Variants in RBM19 observed in about 807,000 individuals in gnomAD.
RBM19 encodes RNA binding motif protein 19.
A neutral mutation model predicts 116.8 loss-of-function variants in RBM19; 94 were observed. The ratio of observed to expected loss-of-function variants is 0.80; its 90% CI spans 0.68 to 0.95. The LOEUF is 0.95. RBM19 is among the 40% of genes least tolerant of loss of function. RBM19 has a pLI of 0.00. For missense variants in RBM19, 1,161 were observed against 1,220.7 expected (o/e 0.95, Z 0.73); for synonymous variants, 475 against 494.1 (o/e 0.96, Z 0.51).
At chr12:113,925,099 C>T (rs915371663) in intron 17 of RBM19, among the ~76,000 whole-genome samples, 8 of 152,216 alleles carry the variant, frequency 5.3e-5, no homozygotes, top group Non-Finnish European at 8.8e-5. Context: ...CCCCCTGCAC[C>T]AAATGCCAGA....
Position 113,937,043 on chromosome 12 carries a change from C to G in RBM19, c.2032G>C (p.Glu678Gln). The change falls in exon 16 of 24, where the codon GAA becomes CAA. Residue 678 changes from glutamate (E) to glutamine (Q), a missense_variant. Physicochemically the swap from Glu to Gln is conservative, Grantham distance 29 (BLOSUM62 2). Transcript: ENST00000261741. ...QKKKLQDTPSEPMEKDPAEPE... is the reference protein window; with the variant it reads ...QKKKLQDTPSQPMEKDPAEPE... ...TCTGCTGGGTCCTTTTCCATGGGTTCTGAAGGTGTGTCTTGGAGCTTTTTC... is the reference window on the plus strand; with the variant it reads ...TCTGCTGGGTCCTTTTCCATGGGTTGTGAAGGTGTGTCTTGGAGCTTTTTC... 6.2e-7 allele frequency: 1 copy of G among 1,614,118 alleles called. No individual in the cohort carries two copies.
chr12:113,828,984 G>A (rs988690365), intron 23 of RBM19, among the ~76,000 whole-genome samples: 3 of 151,648 alleles, frequency 2.0e-5, no homozygotes, highest in Non-Finnish European at 2.9e-5. Context: ...TGATACAGGA[G>A]GCTGTTTTAG....
intron 21 of RBM19, among the ~76,000 whole-genome samples, chr12:113,862,268 C>T (rs1031892926): frequency 2.0e-5 from 3 of 152,136 alleles, no homozygotes; most frequent in Non-Finnish European, 2.9e-5. Context: ...AGAAGAAAAG[C>T]GACTTGCCCA....
intron 21 of RBM19, among the ~76,000 whole-genome samples, chr12:113,882,616 A>C (rs543741196): frequency 5.3e-5 from 8 of 152,250 alleles, no homozygotes; most frequent in Non-Finnish European, 8.8e-5. Flanking sequence ...TGAGAGCTGG[A>C]GGCACGGGGG....
intron 21 of RBM19, among the ~76,000 whole-genome samples, chr12:113,896,652 A>T (rs981640836): frequency 1.3e-5 from 2 of 152,142 alleles, no homozygotes. Context: ...TTTACAAGAG[A>T]ACAGAGGTGA....
At chr12:113,909,279 T>C (rs544959203) in intron 21 of RBM19, among the ~76,000 whole-genome samples, 2 of 152,180 alleles carry the variant, frequency 1.3e-5, no homozygotes, top group East Asian at 3.9e-4. Flanking sequence ...TGCCACACAG[T>C]TCAGCTAATT....
In RBM19 at chr12:113,958,012, C is replaced by A. The variant is rs1490334525; in HGVS notation, c.610G>T (p.Glu204Ter). The A allele has an allele frequency of 6.2e-7, 1 of 1,613,808 alleles. No homozygotes were observed. The highest frequency in any genetic ancestry group is 1.1e-5 in the South Asian group (1 of 91,016). Residue 204 changes from glutamate (E) to a stop codon, truncating the protein, a stop_gained, in exon 6 of 24, where the codon GAG becomes TAG. Transcript: ENST00000261741. LOFTEE classifies it high-confidence loss of function. Reference protein sequence around the residue: ...SLEPKAAVQKELSDMDYLKSK... With the variant: ...SLEPKAAVQK ...TTCAGGTAATCCATGTCCGACAGCT[C>A]CTTCTGCACAGCTGCCTTTGGTTCG...
intron 21 of RBM19, among the ~76,000 whole-genome samples, chr12:113,866,479 C>A (rs1350431641): frequency 2.0e-5 from 3 of 152,156 alleles, no homozygotes; most frequent in Non-Finnish European, 4.4e-5. Context: ...CAGATGGAAC[C>A]CACAGACTCT....
At chr12:113,927,390 T>C in intron 16 of RBM19, 161 bp from the exon 17 acceptor site, 1 of 779,012 alleles carries the variant, frequency 1.3e-6, no homozygotes, top group Non-Finnish European at 2.0e-6. Context: ...CCCCAACTTG[T>C]GCTGAGCTTC....
chr12:113,938,311 T>A (rs1410262072), intron 15 of RBM19, among the ~76,000 whole-genome samples: 1 of 152,078 alleles, frequency 6.6e-6, no homozygotes, highest in East Asian at 1.9e-4. Context: ...TCCTGAGAGC[T>A]TAGTGGCCAC....
intron 23 of RBM19, among the ~76,000 whole-genome samples, chr12:113,838,674 G>C (rs1876176275): frequency 6.6e-6 from 1 of 152,214 alleles, no homozygotes; most frequent in Non-Finnish European, 1.5e-5. Flanking sequence ...CGCCAAGTAA[G>C]GCTTGACCCA....
intron 6 of RBM19, 55 bp downstream of exon 6, chr12:113,957,727 C>G: frequency 6.6e-7 from 1 of 1,519,594 alleles, no homozygotes; most frequent in Non-Finnish European, 8.8e-7. Flanking sequence ...GTGGGGACCA[C>G]GGGCAAGCAG....
intron 21 of RBM19, among the ~76,000 whole-genome samples, chr12:113,869,174 C>T (rs1879046633): frequency 6.6e-6 from 1 of 152,212 alleles, no homozygotes; most frequent in Admixed American, 6.5e-5. Flanking sequence ...CCGACCCCTC[C>T]TAGTGAACAT....
chr12:113,847,229 T>C (rs1877067813), intron 22 of RBM19, among the ~76,000 whole-genome samples: 2 of 151,972 alleles, frequency 1.3e-5, no homozygotes, highest in Admixed American at 6.6e-5. Flanking sequence ...AAAAGGGAGG[T>C]GACTAGAACA....
chr12:113,842,322 C>T (rs1160509217), intron 23 of RBM19, among the ~76,000 whole-genome samples: 6 of 152,346 alleles, frequency 3.9e-5, no homozygotes, highest in South Asian at 2.1e-4. Context: ...GATGGGCCCC[C>T]GTCTCCACTC....
At chr12:113,867,081 C>CTT (rs1437596596) in intron 21 of RBM19, among the ~76,000 whole-genome samples, 1 of 152,228 alleles carries the variant, frequency 6.6e-6, no homozygotes, top group Non-Finnish European at 1.5e-5. Flanking sequence ...GCAACAGGGT[C>CTT]TTTCTGACCT....
At chr12:113,889,268 T>C (rs573023106) in intron 21 of RBM19, among the ~76,000 whole-genome samples, 194 of 152,322 alleles carry the variant, frequency 1.3e-3, no homozygotes, top group African/African-American at 4.5e-3. Flanking sequence ...AAATGTCCCC[T>C]GGCAGGCAAA....
intron 23 of RBM19, among the ~76,000 whole-genome samples, chr12:113,841,417 CTTTTCTTTTTTTT>C (rs1876460777): frequency 7.0e-6 from 1 of 143,066 alleles, no homozygotes; most frequent in Non-Finnish European, 1.5e-5. Flanking sequence ...CTTTCTTTTT[CTTTTCTTTTTTTT>C]TTTTTTTTTT....
At chr12:113,905,039 A>C (rs1010153518) in intron 21 of RBM19, among the ~76,000 whole-genome samples, 1 of 152,206 alleles carries the variant, frequency 6.6e-6, no homozygotes, top group African/African-American at 2.4e-5. Context: ...CAGGTGAAGC[A>C]AAAACCCCCT....
Sources: allele counts gnomAD v4.1 joint callset (sites outside exome capture counted in the v4.1 genomes callset), GRCh38; gene constraint gnomAD v4.1.1; transcripts MANE v1.5; gene names NCBI Gene and HGNC (gene_info 2026-07-23, HGNC 2026-07-21).